INSC: variants seen among roughly 807,000 people sequenced by gnomAD.
INSC encodes protein inscuteable homolog.
In INSC, 67 loss-of-function variants were observed where a neutral mutation model predicts 58.6. That is an observed-to-expected ratio of 1.14 (90% CI 0.94 to 1.40). INSC has a LOEUF of 1.40. INSC is among the 40% of genes most tolerant of loss of function. INSC has a pLI of 0.00. For synonymous variants in INSC, 262 were observed against 276.1 expected, an observed-to-expected ratio of 0.95 and a Z score of 0.51; for missense variants, 714 against 692.0, an observed-to-expected ratio of 1.03 and a Z score of -0.36.
chr11:15,251,723 T>TATGGTGGG (rs1018686211), downstream of INSC, among the ~76,000 whole-genome samples: 1 of 151,900 alleles, frequency 6.6e-6, no homozygotes, highest in East Asian at 1.9e-4. Flanking sequence ...GGTGGGATGG[T>TATGGTGGG]ATGGTGGGAT....
At chr11:15,210,057 G>T (rs150876645) in intron 7 of INSC, among the ~76,000 whole-genome samples, 184 of 152,350 alleles carry the variant, frequency 1.2e-3, no homozygotes, top group African/African-American at 3.8e-3. Flanking sequence ...ACTTAGGGAG[G>T]TTGGTGGGCC....
At chr11:15,226,860 G>T (rs1851659561) in intron 9 of INSC, among the ~76,000 whole-genome samples, 1 of 152,182 alleles carries the variant, frequency 6.6e-6, no homozygotes, top group Non-Finnish European at 1.5e-5. Flanking sequence ...TCCTCTGAGG[G>T]CATGATCCAT....
intron 7 of INSC, among the ~76,000 whole-genome samples, chr11:15,203,781 AGCCT>A (rs1324031515): frequency 6.6e-6 from 1 of 151,994 alleles, no homozygotes. Context: ...GGCTAAATTC[AGCCT>A]GCTGTCTGCC....
At chr11:15,112,646 G>T (rs1242514843), upstream of INSC, 3 of 313,368 alleles carry the variant, frequency 9.6e-6, no homozygotes, top group Admixed American at 7.4e-5. Context: ...GTATTGGGAA[G>T]TGGGGGGGGG....
intron 9 of INSC, among the ~76,000 whole-genome samples, chr11:15,234,562 T>G (rs1422505292): frequency 5.3e-5 from 8 of 152,128 alleles, no homozygotes; most frequent in Admixed American, 5.2e-4. Context: ...GGGGACACAG[T>G]TTTTGCTTAT....
At chr11:15,240,644 C>A (rs1267998378) in intron 12 of INSC, 121 bp downstream of exon 12, 1 of 734,536 alleles carries the variant, frequency 1.4e-6, no homozygotes, top group South Asian at 1.5e-5. Context: ...TGGGCTTTAG[C>A]TTTTCTCTTT....
rs534876440 is a variant in INSC at position 15,123,138 on chromosome 11, C to G, written c.-46+8135C>G. 6.8e-4 allele frequency among the ~76,000 whole-genome samples: 103 copies of G among 152,306 alleles called. 1 individual carries two copies. Among genetic ancestry groups the G allele is most frequent in the South Asian group, 1.9e-3 (9 of 4,832 alleles). ...GAATGCTCGTTCTTCCTGACTCCACCTACCGAATTCCTGCTTTACTCTCAG... is the reference window on the plus strand; with the variant it reads ...GAATGCTCGTTCTTCCTGACTCCACGTACCGAATTCCTGCTTTACTCTCAG... On this transcript the variant is annotated intron_variant, in intron 1 of 12. Transcript: ENST00000379556.
Position 15,205,452 on chromosome 11 carries a change from C to A in INSC, c.819+4503C>A, listed in dbSNP as rs116517147. ...ACAGTTCCTTGATCAGTAAAATGAGCCTATAAAATCTACCTCATGTATAGT... is the reference window on the plus strand; with the variant it reads ...ACAGTTCCTTGATCAGTAAAATGAGACTATAAAATCTACCTCATGTATAGT... On this transcript the variant is annotated intron_variant, in intron 7 of 12. Transcript: ENST00000379556. 5.2e-3 allele frequency among the ~76,000 whole-genome samples: 794 copies of A among 152,262 alleles called. 5 individuals are homozygous for A. The highest frequency in any genetic ancestry group is 0.018 in the African/African-American group (748 of 41,548).
At chr11:15,262,454 C>T in the INSC span, among the ~76,000 whole-genome samples, 1 of 151,876 alleles carries the variant, frequency 6.6e-6, no homozygotes, top group Non-Finnish European at 1.5e-5. Flanking sequence ...CGAAGAGAAG[C>T]CCCCAGCAAA....
chr11:15,221,517 A>G lies in INSC; in HGVS notation c.860A>G (p.Asn287Ser). The change falls in exon 8 of 13, where the codon AAC (asparagine) becomes AGC (serine). Residue 287 changes from asparagine (N) to serine (S), a missense_variant. Asn to Ser is a conservative substitution (Grantham distance 46). Transcript: ENST00000379556. ...VLCLADILTD[N>S]SHSEATRAEA... ...TGCTTGGCCGACATCCTGACCGACAACAGCCACTCAGAGGCCACACGGGCT... is the reference window on the plus strand; with the variant it reads ...TGCTTGGCCGACATCCTGACCGACAGCAGCCACTCAGAGGCCACACGGGCT... The G allele has an allele frequency of 2.5e-6, 4 of 1,612,504 alleles. No individual in the cohort carries two copies. Among genetic ancestry groups the G allele is most frequent in the Non-Finnish European group, 3.4e-6 (4 of 1,179,632 alleles).
chr11:15,210,787 T>C (rs921503380), intron 7 of INSC, among the ~76,000 whole-genome samples: 1 of 151,512 alleles, frequency 6.6e-6, no homozygotes, highest in Non-Finnish European at 1.5e-5. Context: ...AAGTGCTAGT[T>C]TGGAGGGGAG....
intron 1 of INSC, among the ~76,000 whole-genome samples, chr11:15,147,175 T>C (rs1246384691): frequency 6.6e-6 from 1 of 152,240 alleles, no homozygotes; most frequent in African/African-American, 2.4e-5. Flanking sequence ...TAGTCAAACA[T>C]ATCAAAAGGG....
At chr11:15,179,464 C>T (rs531478436) in intron 5 of INSC, among the ~76,000 whole-genome samples, 8 of 152,306 alleles carry the variant, frequency 5.3e-5, no homozygotes, top group Admixed American at 2.6e-4. Context: ...GCCTCTCTGC[C>T]GAGCCCAGGG....
intron 7 of INSC, among the ~76,000 whole-genome samples, chr11:15,212,664 C>G (rs1436015059): frequency 6.6e-6 from 1 of 152,102 alleles, no homozygotes; most frequent in Non-Finnish European, 1.5e-5. Context: ...GTTGGTAATA[C>G]ATAAAAAATA....
chr11:15,246,202 C>G lies in INSC; in HGVS notation c.*162C>G. 1 of 644,558 alleles carries G rather than the reference C, an allele frequency of 1.6e-6. No homozygotes were observed. The highest frequency in any genetic ancestry group is 2.5e-6 in the Non-Finnish European group (1 of 399,070). 39.9% of individuals were successfully genotyped at this position (644,558 alleles called of 1,614,324 possible). On this transcript the variant is annotated 3_prime_UTR_variant, in exon 13 of 13. Coordinates refer to ENST00000379556, the MANE Select transcript of INSC (RefSeq NM_001042536.3). ...GGACAAAATCTTAGAGCAACATCAT[C>G]AAACAGTCTTTGGTCCTTGAGAATC...
chr11:15,178,241 A>G, intron 4 of INSC, 83 bp from the exon 5 acceptor site: 1 of 1,549,492 alleles, frequency 6.5e-7, no homozygotes, highest in Non-Finnish European at 8.8e-7. Flanking sequence ...GGCTTGTAGC[A>G]GGTCCAGTTC....
chr11:15,159,241 G>A (rs867364382), intron 2 of INSC, among the ~76,000 whole-genome samples: 1 of 152,180 alleles, frequency 6.6e-6, no homozygotes, highest in Non-Finnish European at 1.5e-5. Flanking sequence ...GATGGCTGGA[G>A]GCTGATGGAG....
rs1181110168 is a variant in INSC at position 15,213,215 on chromosome 11, A to G, written c.820-8262A>G. Among the ~76,000 whole-genome samples the G allele has an allele frequency of 2.6e-5, 4 of 152,258 alleles. No homozygotes were observed. The East Asian group carries it at 5.8e-4, about 22-fold the overall frequency. On this transcript the variant is annotated intron_variant, in intron 7 of 12. Coordinates refer to ENST00000379556, the MANE Select transcript of INSC (RefSeq NM_001042536.3). Reference sequence around the variant, plus strand: ...AGCACTTTAGGAGGCCGAGGCGGGCAGATCACTGCACTCCAACCTGGGCGA... The same window carrying G: ...AGCACTTTAGGAGGCCGAGGCGGGCGGATCACTGCACTCCAACCTGGGCGA...
chr11:15,172,907 T>TG (rs780543545), intron 2 of INSC, among the ~76,000 whole-genome samples: 22 of 152,200 alleles, frequency 1.4e-4, no homozygotes, highest in Middle Eastern at 3.4e-3. Flanking sequence ...AACGGTGGTA[T>TG]GGGGGGCGCA....
Sources: gnomAD v4.1 joint callset for allele counts (sites outside exome capture counted in the v4.1 genomes callset) on GRCh38, gnomAD v4.1.1 for gene constraint, MANE v1.5 for transcripts, NCBI Gene and HGNC (gene_info 2026-07-23, HGNC 2026-07-21) for gene names.